The following DRAM1 variants were observed in gnomAD, a reference collection of about 807,000 sequenced individuals.
The protein encoded by DRAM1 is DNA damage regulated autophagy modulator 1.
In DRAM1, 25 loss-of-function variants were observed where a neutral mutation model predicts 28.5. The observed-to-expected ratio is 0.88, with a 90% CI of 0.64 to 1.23. The LOEUF (loss-of-function observed/expected upper bound fraction) is 1.23, where lower values mean the gene tolerates loss of function less well. Ranked by LOEUF, DRAM1 falls within the 50% of genes most tolerant of loss-of-function variation. DRAM1 has a pLI of 0.00. For synonymous variants in DRAM1, 113 were observed against 114.2 expected, an observed-to-expected ratio of 0.99 and a Z score of 0.07; for missense variants, 249 against 299.2, an observed-to-expected ratio of 0.83 and a Z score of 1.24.
At chr12:101,903,136 C>G (rs1873666514) in intron 3 of DRAM1, among the ~76,000 whole-genome samples, 1 of 152,156 alleles carries the variant, frequency 6.6e-6, no homozygotes, top group Admixed American at 6.5e-5. Flanking sequence ...CCAGGCTGGT[C>G]TTGAACTCAA....
chr12:101,912,602 G>A (rs974657445), intron 4 of DRAM1, among the ~76,000 whole-genome samples: 2 of 152,166 alleles, frequency 1.3e-5, no homozygotes, highest in African/African-American at 4.8e-5. Context: ...AGAATCTTCT[G>A]TGCTCTCTAC....
intron 3 of DRAM1, among the ~76,000 whole-genome samples, chr12:101,907,885 A>C (rs930590762): frequency 6.6e-6 from 1 of 152,244 alleles, no homozygotes; most frequent in Non-Finnish European, 1.5e-5. Flanking sequence ...CTCATGGTGG[A>C]GTCAGGACTT....
intron 3 of DRAM1, 54 bp from the exon 4 acceptor site, chr12:101,908,132 T>C (rs61936574): frequency 0.11 from 161,293 of 1,492,062 alleles, 9,431 homozygotes; most frequent in Middle Eastern, 0.17. Flanking sequence ...GTGCTTGCGG[T>C]TCGATGTTGA....
intron 6 of DRAM1, among the ~76,000 whole-genome samples, chr12:101,920,936 T>C (rs1198089600): frequency 6.6e-6 from 1 of 151,996 alleles, no homozygotes. Context: ...AATGAATAAA[T>C]AAAAAATAAA....
chr12:101,895,799 T>G (rs979185203), intron 1 of DRAM1, among the ~76,000 whole-genome samples: 3 of 152,046 alleles, frequency 2.0e-5, no homozygotes, highest in Non-Finnish European at 4.4e-5. Flanking sequence ...CTTGAACTCC[T>G]GACCTCGTGA....
intron 4 of DRAM1, among the ~76,000 whole-genome samples, chr12:101,913,563 C>T (rs1184561838): frequency 1.3e-5 from 2 of 151,684 alleles, no homozygotes; most frequent in African/African-American, 4.8e-5. Context: ...AAAAATTAGC[C>T]AGGCATGGTG....
rs1210196586 is a variant in DRAM1, at chr12:101,893,997, C to A, written c.132-3866C>A. Among the ~76,000 whole-genome samples the A allele has an allele frequency of 1.1e-3, 162 of 152,046 alleles. 1 individual carries two copies. The highest frequency in any genetic ancestry group is 2.1e-4 in the Non-Finnish European group (14 of 68,014). ...CCAGGCTGGAGGGCAGTGGCATGAT[C>A]TTGGCTCACTGCAACCTCTGCCTAC... is the stretch of plus-strand genomic sequence containing the variant. On this transcript the variant is annotated intron_variant, in intron 1 of 6. Transcript: ENST00000258534.
chr12:101,910,587 C>T (rs931311130), intron 4 of DRAM1, among the ~76,000 whole-genome samples: 1 of 151,738 alleles, frequency 6.6e-6, no homozygotes, highest in Non-Finnish European at 1.5e-5. Context: ...AAGCAATTCT[C>T]CTGCCTCAGC....
intron 1 of DRAM1, among the ~76,000 whole-genome samples, chr12:101,897,587 G>A (rs575598065): frequency 6.6e-6 from 1 of 151,858 alleles, no homozygotes; most frequent in African/African-American, 2.4e-5. Flanking sequence ...CACATACCAA[G>A]GTTAGTGGGT....
At chr12:101,908,142 A>G (rs951713244) in intron 3 of DRAM1, 44 bp from the exon 4 acceptor site, 1 of 1,547,528 alleles carries the variant, frequency 6.5e-7, no homozygotes, top group Admixed American at 1.9e-5. Flanking sequence ...TTCGATGTTG[A>G]CAAACCCACC....
chr12:101,897,847 T>C lies in DRAM1; in HGVS notation c.132-16T>C, dbSNP rs1327621594. 3.8e-6 allele frequency: 6 copies of C among 1,596,102 alleles called. No homozygotes were observed. The highest frequency in any genetic ancestry group is 5.1e-6 in the Non-Finnish European group (6 of 1,165,448). ...AATTTCTTTCTAATAATTTGGACAT[T>C]TCTTCCCTTTGCCAGTGATACGGGA... On this transcript the variant is annotated splice_polypyrimidine_tract_variant and intron_variant, in intron 1 of 6. Transcript: ENST00000258534.
intron 3 of DRAM1, among the ~76,000 whole-genome samples, chr12:101,907,169 C>T (rs2121124484): frequency 6.9e-6 from 1 of 144,722 alleles, no homozygotes; most frequent in African/African-American, 2.6e-5. Flanking sequence ...CACTGCACTC[C>T]CACCTAAGCG....
In DRAM1 at chr12:101,914,145, T is replaced by C. The variant is rs765199025; in HGVS notation, c.521-29T>C. The C allele has an allele frequency of 3.3e-6, 5 of 1,525,860 alleles. 1 individual carries two copies. In the South Asian group the frequency reaches 4.7e-5, roughly 14 times the overall value. The allele number at this position is 1,525,860 out of a possible 1,614,324, so 94.5% of individuals were successfully genotyped here. ...ACATTAAAGGAACTGTTGTGTGCTG[T>C]AGTTTCCTTAACTGTTTACTTCTTT... On this transcript the variant is annotated intron_variant, in intron 4 of 6. Coordinates refer to ENST00000258534, the MANE Select transcript of DRAM1 (RefSeq NM_018370.3).
intron 6 of DRAM1, 92 bp downstream of exon 6, chr12:101,920,293 C>CTTTA: frequency 7.6e-6 from 2 of 262,186 alleles, no homozygotes; most frequent in East Asian, 8.4e-5. Flanking sequence ...AAAAAGAGCA[C>CTTTA]TTTCTTTTTT....
At chr12:101,911,996 C>T (rs1489103599) in intron 4 of DRAM1, among the ~76,000 whole-genome samples, 3 of 152,018 alleles carry the variant, frequency 2.0e-5, no homozygotes, top group Non-Finnish European at 2.9e-5. Flanking sequence ...GTCAGGAGTT[C>T]GAGACCAGCC....
intron 4 of DRAM1, among the ~76,000 whole-genome samples, chr12:101,910,244 A>G (rs1873988060): frequency 6.6e-6 from 1 of 152,146 alleles, no homozygotes; most frequent in Non-Finnish European, 1.5e-5. Flanking sequence ...TCTTACTTAT[A>G]GGTTAAAGGA....
At chr12:101,913,651 A>G (rs978461437) in intron 4 of DRAM1, among the ~76,000 whole-genome samples, 3 of 143,088 alleles carry the variant, frequency 2.1e-5, no homozygotes, top group Non-Finnish European at 4.5e-5. Context: ...GGTTGCAGTG[A>G]GCTGAGATCG....
chr12:101,884,391 AG>A (rs1206787847), intron 1 of DRAM1, among the ~76,000 whole-genome samples: 1 of 151,250 alleles, frequency 6.6e-6, no homozygotes, highest in African/African-American at 2.4e-5. Flanking sequence ...AAAAAAAAAA[AG>A]ATTTGCACAC....
At chr12:101,902,362 C>T (rs571804337) in intron 3 of DRAM1, among the ~76,000 whole-genome samples, 84 of 152,190 alleles carry the variant, frequency 5.5e-4, no homozygotes, top group East Asian at 1.9e-4. Flanking sequence ...ATGGCAGAGG[C>T]GAGCTTTGAA....
Sources: gnomAD v4.1 joint callset for allele counts (sites outside exome capture counted in the v4.1 genomes callset) on GRCh38, gnomAD v4.1.1 for gene constraint, MANE v1.5 for transcripts, NCBI Gene and HGNC (gene_info 2026-07-23, HGNC 2026-07-21) for gene names.